NOX3: variants seen among roughly 807,000 people sequenced by gnomAD.
The protein encoded by NOX3 is NADPH oxidase catalytic subunit-like 3.
NOX3 carries 74 observed loss-of-function variants against 76.7 expected under a neutral mutation model. That is an observed-to-expected ratio of 0.96 (90% CI 0.80 to 1.17). NOX3 has a LOEUF of 1.17. Ranked by LOEUF, NOX3 falls within the 50% of genes most tolerant of loss-of-function variation. The pLI, the probability that NOX3 is intolerant of heterozygous loss-of-function variation, is 0.00. For missense variants in NOX3, 695 were observed against 703.3 expected (o/e 0.99, Z 0.13); for synonymous variants, 263 against 261.1 (o/e 1.01, Z -0.07).
chr6:155,432,705 GGGCAACACAA>G (rs1386001383), intron 7 of NOX3, among the ~76,000 whole-genome samples: 2 of 152,098 alleles, frequency 1.3e-5, no homozygotes, highest in East Asian at 1.9e-4. Flanking sequence ...AGACCTATGG[GGGCAACACAA>G]GGCAACACAA....
chr6:155,432,581 G>A (rs769811053), intron 7 of NOX3, among the ~76,000 whole-genome samples: 13 of 152,012 alleles, frequency 8.6e-5, no homozygotes, highest in African/African-American at 1.9e-4. Flanking sequence ...CACCTTTCTC[G>A]TTTTGTCTAT....
At chr6:155,441,943 T>A (rs1776992336) in intron 5 of NOX3, among the ~76,000 whole-genome samples, 1 of 152,098 alleles carries the variant, frequency 6.6e-6, no homozygotes, top group Non-Finnish European at 1.5e-5. Flanking sequence ...AGTGTGAAAT[T>A]TTTGCTTCCA....
intron 9 of NOX3, among the ~76,000 whole-genome samples, chr6:155,425,775 T>C (rs1294862767): frequency 1.3e-5 from 2 of 152,190 alleles, no homozygotes; most frequent in African/African-American, 4.8e-5. Flanking sequence ...TGAACCCAGC[T>C]CCTCTCACAG....
intron 4 of NOX3, among the ~76,000 whole-genome samples, chr6:155,444,263 T>C (rs1777032398): frequency 6.6e-6 from 1 of 152,194 alleles, no homozygotes; most frequent in African/African-American, 2.4e-5. Flanking sequence ...CAATTTGTGT[T>C]TTACACTGCA....
chr6:155,399,572 A>T (rs1779192371), intron 12 of NOX3, among the ~76,000 whole-genome samples: 1 of 152,156 alleles, frequency 6.6e-6, no homozygotes, highest in Non-Finnish European at 1.5e-5. Context: ...CTCTCTGTGC[A>T]TCACTGTCCC....
intron 12 of NOX3, among the ~76,000 whole-genome samples, chr6:155,399,076 T>A (rs1298708265): frequency 6.6e-6 from 1 of 152,228 alleles, no homozygotes; most frequent in Non-Finnish European, 1.5e-5. Flanking sequence ...AGCTCTGGAC[T>A]GAAACATTTT....
rs578201480 is a variant in NOX3 at position 155,453,118 on chromosome 6, T to C, written c.340+286A>G. Among the ~76,000 whole-genome samples, 9 of 152,356 alleles carry C rather than the reference T, an allele frequency of 5.9e-5. No homozygotes were observed. In the South Asian group the frequency reaches 1.4e-3, roughly 25 times the overall value. On this transcript the variant is annotated intron_variant, in intron 4 of 13. Coordinates refer to ENST00000159060, the MANE Select transcript of NOX3 (RefSeq NM_015718.3). Reference sequence around the variant, plus strand: ...ATTATATTGAATAACAAAGTGTCCCTTTTTCAAGTAAGTATTTATTATTGT... The same window carrying C: ...ATTATATTGAATAACAAAGTGTCCCCTTTTCAAGTAAGTATTTATTATTGT...
chr6:155,425,059 C>T (rs952089138), intron 9 of NOX3, among the ~76,000 whole-genome samples: 3 of 152,166 alleles, frequency 2.0e-5, no homozygotes, highest in Non-Finnish European at 4.4e-5. Flanking sequence ...GCTCATATAC[C>T]TATGTTAAAC....
At chr6:155,401,897 T>C (rs1042027031) in intron 12 of NOX3, among the ~76,000 whole-genome samples, 9 of 152,026 alleles carry the variant, frequency 5.9e-5, no homozygotes, top group African/African-American at 2.2e-4. Context: ...AGGTCAAAAG[T>C]AGAAAACTAC....
chr6:155,422,945 G>A, intron 9 of NOX3, 89 bp from the exon 10 acceptor site: 1 of 1,383,820 alleles, frequency 7.2e-7, no homozygotes, highest in Non-Finnish European at 1.0e-6. Flanking sequence ...CTTTTTACAG[G>A]ACGTGTTTGC....
At chr6:155,406,837 G>A (rs1776468012) in intron 12 of NOX3, among the ~76,000 whole-genome samples, 1 of 152,190 alleles carries the variant, frequency 6.6e-6, no homozygotes, top group Non-Finnish European at 1.5e-5. Context: ...GGTAATTAGA[G>A]ATCAACTGTA....
At chr6:155,422,644 A>C (rs775832421) in intron 10 of NOX3, 50 bp downstream of exon 10, 1 of 1,564,300 alleles carries the variant, frequency 6.4e-7, no homozygotes, top group East Asian at 2.2e-5. Flanking sequence ...AGATATAAGG[A>C]CATTGAACCT....
chr6:155,426,820 G>A (rs1776760055), intron 9 of NOX3, among the ~76,000 whole-genome samples: 1 of 152,122 alleles, frequency 6.6e-6, no homozygotes, highest in Admixed American at 6.5e-5. Context: ...TCTTCTTGGG[G>A]GACTGGTTGA....
intron 6 of NOX3, 66 bp downstream of exon 6, chr6:155,439,890 C>T: frequency 6.8e-7 from 1 of 1,468,362 alleles, no homozygotes; most frequent in Non-Finnish European, 9.2e-7. Flanking sequence ...ATCTAAAGGA[C>T]TTTCTAAGAT....
At chr6:155,426,859 G>A (rs528554819) in intron 9 of NOX3, among the ~76,000 whole-genome samples, 51 of 152,248 alleles carry the variant, frequency 3.3e-4, no homozygotes, top group Admixed American at 2.7e-3. Context: ...AAGGGGAAGG[G>A]TGGTTGATAG....
At chr6:155,425,064 T>C (rs1248283858) in intron 9 of NOX3, among the ~76,000 whole-genome samples, 1 of 152,224 alleles carries the variant, frequency 6.6e-6, no homozygotes, top group African/African-American at 2.4e-5. Context: ...TATACCTATG[T>C]TAAACTGCGG....
intron 10 of NOX3, among the ~76,000 whole-genome samples, chr6:155,422,077 T>C (rs1776696269): frequency 6.6e-6 from 1 of 152,128 alleles, no homozygotes; most frequent in African/African-American, 2.4e-5. Flanking sequence ...CGGCTTTGGG[T>C]TATCAGGGCT....
chr6:155,453,494 G>A lies in NOX3; in HGVS notation c.256-6C>T, dbSNP rs776614749. On this transcript the variant is annotated splice_polypyrimidine_tract_variant and splice_region_variant and intron_variant, in intron 3 of 13. Transcript: ENST00000159060. The stretch of plus-strand genomic sequence containing the variant: ...CTCCACGGTCCTCTGCAGCACTAGA[G>A]TAACAAAAAAATATGCCTGATTTAT... 17 of 1,608,092 alleles carry A rather than the reference G, an allele frequency of 1.1e-5. No homozygotes were observed. The South Asian group carries it at 1.8e-4, about 17-fold the overall frequency.
intron 7 of NOX3, among the ~76,000 whole-genome samples, chr6:155,433,256 G>GTCGTT (rs1776857686): frequency 6.6e-6 from 1 of 152,232 alleles, no homozygotes; most frequent in Admixed American, 6.5e-5. Context: ...AGTAGCCAGT[G>GTCGTT]TCGTTACCTG....
Sources: gnomAD v4.1 joint callset for allele counts (sites outside exome capture counted in the v4.1 genomes callset) on GRCh38, gnomAD v4.1.1 for gene constraint, MANE v1.5 for transcripts, NCBI Gene and HGNC (gene_info 2026-07-23, HGNC 2026-07-21) for gene names.